The following LRMDA variants were observed in gnomAD, a reference collection of about 807,000 sequenced individuals.
LRMDA encodes the protein leucine rich melanocyte differentiation associated.
A neutral mutation model predicts 29.8 loss-of-function variants in LRMDA; 18 were observed. The ratio of observed to expected loss-of-function variants is 0.60; its 90% CI spans 0.42 to 0.90. LRMDA has a LOEUF of 0.90. LRMDA is among the 40% of genes least tolerant of loss of function. The probability of loss-of-function intolerance (pLI) is 0.00; values close to 1 mark genes in which losing one functional copy is unlikely to be tolerated. For synonymous variants in LRMDA, 125 were observed against 109.4 expected, an observed-to-expected ratio of 1.14 and a Z score of -0.89; for missense variants, 273 against 273.9, an observed-to-expected ratio of 1.00 and a Z score of 0.02.
intron 6 of LRMDA, among the ~76,000 whole-genome samples, chr10:76,513,125 G>T (rs1453419545): frequency 6.6e-6 from 1 of 152,056 alleles, no homozygotes; most frequent in African/African-American, 2.4e-5. Flanking sequence ...TAAACTCTTA[G>T]GGGAGTTACC....
chr10:75,601,279 G>A (rs547647260), intron 2 of LRMDA: 16 of 152,294 alleles, frequency 1.1e-4, no homozygotes, highest in African/African-American at 3.9e-4. Flanking sequence ...AGATGCCTCC[G>A]AGCTGCTCAA....
At chr10:76,527,426 A>G (rs1843188842) in intron 6 of LRMDA, among the ~76,000 whole-genome samples, 2 of 152,174 alleles carry the variant, frequency 1.3e-5, no homozygotes, top group Non-Finnish European at 2.9e-5. Context: ...CTCTCTGCAG[A>G]TTGAACTTTT....
intron 2 of LRMDA, among the ~76,000 whole-genome samples, chr10:75,866,887 T>C (rs1845028937): frequency 6.6e-6 from 1 of 152,188 alleles, no homozygotes; most frequent in Non-Finnish European, 1.5e-5. Flanking sequence ...CCTGGGAAGA[T>C]GAATTTGAGG....
intron 2 of LRMDA, among the ~76,000 whole-genome samples, chr10:75,465,309 C>T (rs1273233226): frequency 2.6e-5 from 4 of 152,172 alleles, no homozygotes; most frequent in Non-Finnish European, 5.9e-5. Flanking sequence ...CCAGAGTATA[C>T]GTGTGTCCTT....
At chr10:75,611,966 G>T (rs983110484) in intron 2 of LRMDA, among the ~76,000 whole-genome samples, 5 of 152,176 alleles carry the variant, frequency 3.3e-5, no homozygotes, top group African/African-American at 1.2e-4. Flanking sequence ...CTATTCCCCA[G>T]TTCCCTCTGC....
chr10:75,764,272 T>G lies in LRMDA; in HGVS notation c.132-271736T>G, dbSNP rs1475435629. 3.3e-5 allele frequency among the ~76,000 whole-genome samples: 5 copies of G among 152,300 alleles called. No individual in the cohort carries two copies. In the East Asian group the frequency reaches 9.6e-4, roughly 29 times the overall value. On this transcript the variant is annotated intron_variant, in intron 2 of 6. Coordinates refer to ENST00000611255, the MANE Select transcript of LRMDA (RefSeq NM_001305581.2). ...TCAACGGCTGCCAAGACTCTTGTCATTATTTCAGCCACACAGACTAAATGA... is the reference window on the plus strand; with the variant it reads ...TCAACGGCTGCCAAGACTCTTGTCAGTATTTCAGCCACACAGACTAAATGA...
At chr10:76,288,111 G>A (rs753678276) in intron 5 of LRMDA, among the ~76,000 whole-genome samples, 2 of 152,130 alleles carry the variant, frequency 1.3e-5, no homozygotes, top group African/African-American at 4.8e-5. Flanking sequence ...GTGCTTTGTT[G>A]GAAATGGAAA....
intron 2 of LRMDA, among the ~76,000 whole-genome samples, chr10:75,607,858 A>G (rs1301490154): frequency 1.5e-5 from 2 of 132,524 alleles, no homozygotes; most frequent in Non-Finnish European, 3.1e-5. Context: ...TTGGAGCCCA[A>G]GATTTTCTAT....
At position 75,852,548 on chromosome 10, in the gene LRMDA, A is replaced by C. The variant is rs953770223; in HGVS notation, c.132-183460A>C. Among the ~76,000 whole-genome samples the C allele has an allele frequency of 1.5e-4, 23 of 152,228 alleles. 1 individual carries two copies. Among genetic ancestry groups the C allele is most frequent in the South Asian group, 1.2e-3 (6 of 4,816 alleles). Reference sequence around the variant, plus strand: ...AAAACAACAACAACAACAACAAAAAAAACAACAAAAAAATAGTAATCTCTT... The same window carrying C: ...AAAACAACAACAACAACAACAAAAACAACAACAAAAAAATAGTAATCTCTT... On this transcript the variant is annotated intron_variant, in intron 2 of 6. Transcript: ENST00000611255.
chr10:75,600,610 G>T (rs563398636), intron 2 of LRMDA, among the ~76,000 whole-genome samples: 3 of 152,198 alleles, frequency 2.0e-5, no homozygotes, highest in Non-Finnish European at 4.4e-5. Context: ...GGCTTCTGGG[G>T]CTAAAGTTCC....
chr10:76,237,448 A>C (rs1020272707), intron 5 of LRMDA, among the ~76,000 whole-genome samples: 8 of 152,212 alleles, frequency 5.3e-5, no homozygotes, highest in African/African-American at 1.7e-4. Flanking sequence ...GTTATCAGTA[A>C]TCAGTGATAA....
intron 5 of LRMDA, among the ~76,000 whole-genome samples, chr10:76,092,548 G>A (rs1254509430): frequency 1.3e-5 from 2 of 152,182 alleles, no homozygotes; most frequent in African/African-American, 2.4e-5. Context: ...GGGATGATAC[G>A]GGATATTTTA....
At chr10:76,292,059 C>T (rs2132348751) in intron 5 of LRMDA, among the ~76,000 whole-genome samples, 1 of 152,242 alleles carries the variant, frequency 6.6e-6, no homozygotes, top group Non-Finnish European at 1.5e-5. Flanking sequence ...AAGCCCATAG[C>T]AGGCCCCCGG....
chr10:76,251,226 C>CTTTTT (rs558637864), intron 5 of LRMDA, among the ~76,000 whole-genome samples: 2 of 70,306 alleles, frequency 2.8e-5, no homozygotes, highest in Non-Finnish European at 5.7e-5. Context: ...CCCGTCGCTT[C>CTTTTT]TTTTTTTTTT....
At chr10:75,526,647 G>A (rs1353587507) in intron 2 of LRMDA, among the ~76,000 whole-genome samples, 1 of 151,934 alleles carries the variant, frequency 6.6e-6, no homozygotes, top group East Asian at 1.9e-4. Flanking sequence ...GAGCCCAGGA[G>A]TTTGAGACCA....
chr10:75,881,556 G>A (rs1408280258), intron 2 of LRMDA, among the ~76,000 whole-genome samples: 1 of 151,708 alleles, frequency 6.6e-6, no homozygotes, highest in Non-Finnish European at 1.5e-5. Flanking sequence ...ATGGCTTTTT[G>A]CAACCAATCA....
intron 5 of LRMDA, among the ~76,000 whole-genome samples, chr10:76,124,082 G>C (rs1281882535): frequency 1.3e-5 from 2 of 151,918 alleles, no homozygotes; most frequent in African/African-American, 4.8e-5. Context: ...TCTCTCCTCT[G>C]CCACCTCTCC....
chr10:76,180,874 C>T (rs1392969398), intron 5 of LRMDA, among the ~76,000 whole-genome samples: 2 of 152,116 alleles, frequency 1.3e-5, no homozygotes, highest in Admixed American at 1.3e-4. Context: ...ATCAATCTAC[C>T]CTAGAGTCTC....
intron 2 of LRMDA, among the ~76,000 whole-genome samples, chr10:75,621,219 CACACA>C (rs1416648094): frequency 1.5e-5 from 2 of 130,728 alleles, no homozygotes; most frequent in African/African-American, 2.7e-5. Context: ...CACACACACA[CACACA>C]CCCACACACC....
Sources: gnomAD v4.1 joint callset for allele counts (sites outside exome capture counted in the v4.1 genomes callset) on GRCh38, gnomAD v4.1.1 for gene constraint, MANE v1.5 for transcripts, NCBI Gene and HGNC (gene_info 2026-07-23, HGNC 2026-07-21) for gene names.